EML6: variants seen among roughly 807,000 people sequenced by gnomAD.
EML6 encodes the protein EMAP like 6.
In EML6, 154 loss-of-function variants were observed where a neutral mutation model predicts 240.1. That is an observed-to-expected ratio of 0.64 (90% CI 0.56 to 0.73). The LOEUF (loss-of-function observed/expected upper bound fraction) is 0.73, where lower values mean the gene tolerates loss of function less well. EML6 is among the 30% of genes least tolerant of loss of function. EML6 has a pLI of 0.00. For synonymous variants in EML6, 1,148 were observed against 899.0 expected, an observed-to-expected ratio of 1.28 and a Z score of -4.95; for missense variants, 2,964 against 2,474.6, an observed-to-expected ratio of 1.20 and a Z score of -4.20.
At chr2:54,949,131 C>T (rs553114535) in intron 29 of EML6, among the ~76,000 whole-genome samples, 171 bp downstream of exon 29, 5 of 152,114 alleles carry the variant, frequency 3.3e-5, no homozygotes, top group African/African-American at 7.2e-5. Flanking sequence ...TCCCAGGGAC[C>T]AGAGTCGCAG....
At chr2:54,875,994 A>G (rs570577350) in intron 16 of EML6, among the ~76,000 whole-genome samples, 11 of 152,340 alleles carry the variant, frequency 7.2e-5, no homozygotes, top group Non-Finnish European at 1.3e-4. Context: ...TCCTGAATAG[A>G]GAGACCAACT....
intron 11 of EML6, among the ~76,000 whole-genome samples, chr2:54,857,402 C>T (rs959308422): frequency 6.6e-5 from 10 of 152,090 alleles, no homozygotes; most frequent in Admixed American, 6.5e-4. Flanking sequence ...CCAGGGAAAG[C>T]CTTATGAGAG....
At chr2:54,896,981 G>A (rs533090603) in intron 21 of EML6, among the ~76,000 whole-genome samples, 1 of 152,190 alleles carries the variant, frequency 6.6e-6, no homozygotes, top group African/African-American at 2.4e-5. Context: ...GCATCCTTGA[G>A]GCAATGAGGT....
At chr2:54,782,706 T>C (rs193295054) in intron 2 of EML6, among the ~76,000 whole-genome samples, 5 of 151,948 alleles carry the variant, frequency 3.3e-5, no homozygotes, top group Non-Finnish European at 7.4e-5. Context: ...TCTTGTCTTC[T>C]TCTCTAAGAT....
intron 24 of EML6, among the ~76,000 whole-genome samples, chr2:54,903,745 A>G (rs889143245): frequency 6.6e-6 from 1 of 152,198 alleles, no homozygotes; most frequent in African/African-American, 2.4e-5. Context: ...GAGTTTTAAG[A>G]CAGTTAAAGA....
chr2:54,933,647 G>A (rs914584334), intron 28 of EML6, among the ~76,000 whole-genome samples: 2 of 151,984 alleles, frequency 1.3e-5, no homozygotes, highest in African/African-American at 2.4e-5. Flanking sequence ...GGCACCAATC[G>A]CTTGAACCCA....
At chr2:54,900,855 C>A (rs779118265) in intron 22 of EML6, among the ~76,000 whole-genome samples, 5 of 152,120 alleles carry the variant, frequency 3.3e-5, no homozygotes, top group Non-Finnish European at 5.9e-5. Context: ...TACCCTGGAG[C>A]CTCAGAGGAC....
chr2:54,905,048 C>T (rs1260724181), intron 24 of EML6, among the ~76,000 whole-genome samples: 1 of 152,116 alleles, frequency 6.6e-6, no homozygotes, highest in African/African-American at 2.4e-5. Flanking sequence ...CAAGTCCCAA[C>T]AAGGGCAAAG....
intron 2 of EML6, among the ~76,000 whole-genome samples, chr2:54,784,195 C>G (rs371725508): frequency 2.0e-5 from 3 of 152,128 alleles, no homozygotes; most frequent in African/African-American, 7.2e-5. Context: ...GTCCTCCTAC[C>G]TCAGCCTCCC....
chr2:54,925,955 G>A (rs1003098012), intron 26 of EML6, among the ~76,000 whole-genome samples: 2 of 152,180 alleles, frequency 1.3e-5, no homozygotes, highest in Non-Finnish European at 2.9e-5. Flanking sequence ...AGCTCTGGAG[G>A]ATGATTCTTC....
At chr2:54,934,389 CA>C (rs1558702010) in intron 28 of EML6, among the ~76,000 whole-genome samples, 1 of 152,030 alleles carries the variant, frequency 6.6e-6, no homozygotes, top group Non-Finnish European at 1.5e-5. Context: ...GCTCCACAGG[CA>C]CGCATAAGCT....
intron 17 of EML6, among the ~76,000 whole-genome samples, chr2:54,885,033 T>C (rs1024412142): frequency 2.0e-5 from 3 of 152,096 alleles, no homozygotes; most frequent in Non-Finnish European, 2.9e-5. Context: ...ATGATGGTGC[T>C]GTAGTCCCAG....
intron 2 of EML6, among the ~76,000 whole-genome samples, chr2:54,734,560 A>G (rs540690178): frequency 1.3e-5 from 2 of 152,196 alleles, no homozygotes; most frequent in East Asian, 3.9e-4. Context: ...AGGGGCGCAG[A>G]TGGAAATGAG....
intron 2 of EML6, among the ~76,000 whole-genome samples, chr2:54,799,102 C>G (rs1469116028): frequency 1.3e-5 from 2 of 152,086 alleles, no homozygotes; most frequent in Admixed American, 1.3e-4. Flanking sequence ...GTTCTGTCTC[C>G]CAGGCTGGAG....
intron 21 of EML6, among the ~76,000 whole-genome samples, chr2:54,897,943 G>C (rs924273297): frequency 1.3e-5 from 2 of 152,130 alleles, no homozygotes; most frequent in African/African-American, 4.8e-5. Context: ...TGAGTGAGAC[G>C]ATGGGCTGTC....
At chr2:54,829,529 A>T (rs1668759745) in intron 7 of EML6, 52 bp downstream of exon 7, 2 of 1,433,738 alleles carry the variant, frequency 1.4e-6, no homozygotes, top group South Asian at 2.5e-5. Flanking sequence ...ATATAATGTG[A>T]AGTTCTGTAT....
At chr2:54,948,987 G>C (rs989937609) in intron 29 of EML6, 27 bp downstream of exon 29, 2 of 1,482,684 alleles carry the variant, frequency 1.3e-6, no homozygotes, top group African/African-American at 2.8e-5. Context: ...CTTGTAGTCT[G>C]ATATTGACGT....
At chr2:54,810,965 G>C (rs1001218804) in intron 2 of EML6, among the ~76,000 whole-genome samples, 4 of 152,140 alleles carry the variant, frequency 2.6e-5, no homozygotes, top group Non-Finnish European at 5.9e-5. Context: ...CAGGCTCTGT[G>C]AGTTACAAAC....
In EML6 at chr2:54,829,362, T is replaced by A. The variant is rs201528559; in HGVS notation, c.732T>A (p.Tyr244Ter). 6.4e-7 allele frequency: 1 copy of A among 1,551,866 alleles called. No homozygotes were observed. The highest frequency in any genetic ancestry group is 8.7e-7 in the Non-Finnish European group (1 of 1,146,992). Residue 244 changes from tyrosine to a stop codon, truncating the protein, a stop_gained, in exon 7 of 42, where the codon TAT (tyrosine) becomes TAA (stop). Transcript: ENST00000356458. LOFTEE classifies it high-confidence loss of function. ...GAHSAGIFSM[Y>*]ACEEGFATGG... Reference sequence around the variant, plus strand: ...AACAGGCTGGAATCTTTAGCATGTATGCTTGTGAAGAAGGCTTTGCCACTG... The same window carrying A: ...AACAGGCTGGAATCTTTAGCATGTAAGCTTGTGAAGAAGGCTTTGCCACTG...
Sources: gnomAD v4.1 joint callset for allele counts (sites outside exome capture counted in the v4.1 genomes callset) on GRCh38, gnomAD v4.1.1 for gene constraint, MANE v1.5 for transcripts, NCBI Gene and HGNC (gene_info 2026-07-23, HGNC 2026-07-21) for gene names.